SLC2A9: variants seen among roughly 807,000 people sequenced by gnomAD.
SLC2A9 encodes solute carrier family 2 member 9.
In SLC2A9, 39 loss-of-function variants were observed where a neutral mutation model predicts 50.6. That is an observed-to-expected ratio of 0.77 (90% confidence interval 0.60 to 1.01). The LOEUF (loss-of-function observed/expected upper bound fraction) is 1.01. Ranked by LOEUF, SLC2A9 falls within the 50% of genes least tolerant of loss-of-function variation. The pLI is 0.00. For synonymous variants in SLC2A9, 324 were observed against 276.9 expected (o/e 1.17, Z -1.69); for missense variants, 686 against 677.6 (o/e 1.01, Z -0.14).
chr4:9,869,601 G>A (rs948123114), intron 10 of SLC2A9, among the ~76,000 whole-genome samples: 59 of 152,196 alleles, frequency 3.9e-4, no homozygotes, highest in Non-Finnish European at 8.1e-4. Context: ...CAGATGGGAT[G>A]GCTTGGCAAT....
chr4:9,853,339 C>G (rs901580362), intron 10 of SLC2A9, among the ~76,000 whole-genome samples: 4 of 151,472 alleles, frequency 2.6e-5, no homozygotes, highest in Admixed American at 6.6e-5. Flanking sequence ...AGAAAAAAAT[C>G]AGGGGGTTGC....
At chr4:9,954,594 G>T (rs1315499908) in intron 5 of SLC2A9, among the ~76,000 whole-genome samples, 1 of 152,184 alleles carries the variant, frequency 6.6e-6, no homozygotes, top group African/African-American at 2.4e-5. Flanking sequence ...ATCTGGGTGT[G>T]GTAGCGGCCC....
intron 10 of SLC2A9, among the ~76,000 whole-genome samples, chr4:9,886,874 T>C (rs1407383792): frequency 6.6e-6 from 1 of 152,204 alleles, no homozygotes; most frequent in Admixed American, 6.5e-5. Context: ...CATTGCATCC[T>C]TGTCGTTGTA....
intron 10 of SLC2A9, among the ~76,000 whole-genome samples, chr4:9,864,778 G>A (rs1381509448): frequency 6.6e-6 from 1 of 152,194 alleles, no homozygotes; most frequent in African/African-American, 2.4e-5. Flanking sequence ...AGGATGCTGT[G>A]GTAGACAGAA....
chr4:9,924,923 C>T (rs2110114904), intron 6 of SLC2A9, among the ~76,000 whole-genome samples: 1 of 152,306 alleles, frequency 6.6e-6, no homozygotes, highest in East Asian at 1.9e-4. Context: ...CAGCCTCTCC[C>T]CACTGGGCTC....
At chr4:9,789,406 T>A (rs113823153) in intron 3 of SLC2A9, among the ~76,000 whole-genome samples, 1 of 152,222 alleles carries the variant, frequency 6.6e-6, no homozygotes, top group African/African-American at 2.4e-5. Context: ...AGAACCTTCC[T>A]GTTTCTATGT....
intron 1 of SLC2A9, 159 bp from the exon 2 acceptor site, chr4:10,019,232 C>T (rs369964510): frequency 3.1e-6 from 2 of 654,804 alleles, no homozygotes; most frequent in Non-Finnish European, 5.4e-6. Flanking sequence ...AGTTGGGGAC[C>T]TGCAAGTAGG....
chr4:9,960,477 T>G (rs1254689235), intron 5 of SLC2A9, among the ~76,000 whole-genome samples: 5 of 152,126 alleles, frequency 3.3e-5, no homozygotes, highest in Non-Finnish European at 5.9e-5. Flanking sequence ...GCCCAGCCCC[T>G]TAAGGGTTTA....
At chr4:9,902,340 T>G (rs759349082) in intron 8 of SLC2A9, among the ~76,000 whole-genome samples, 1 of 152,224 alleles carries the variant, frequency 6.6e-6, no homozygotes. Flanking sequence ...GGGGCCCAAG[T>G]GAGCACTTGC....
chr4:9,837,344 A>G (rs1387309133), intron 10 of SLC2A9, among the ~76,000 whole-genome samples: 2 of 152,214 alleles, frequency 1.3e-5, no homozygotes, highest in African/African-American at 2.4e-5. Flanking sequence ...GTTCTGCAAA[A>G]TATTTCATTG....
intron 6 of SLC2A9, among the ~76,000 whole-genome samples, chr4:9,938,952 C>G (rs1747638371): frequency 1.3e-5 from 2 of 152,134 alleles, no homozygotes; most frequent in African/African-American, 4.8e-5. Context: ...CGAAAGGGGC[C>G]TCTTGTCTGA....
chr4:9,779,144 A>G (rs1440510409), downstream of SLC2A9, among the ~76,000 whole-genome samples: 5 of 152,150 alleles, frequency 3.3e-5, no homozygotes, highest in Non-Finnish European at 5.9e-5. Context: ...AGATCAAGCG[A>G]CCTGCCCAAT....
chr4:9,981,915 CT>C (rs1273351200), intron 4 of SLC2A9, among the ~76,000 whole-genome samples: 1 of 150,614 alleles, frequency 6.6e-6, no homozygotes, highest in African/African-American at 2.4e-5. Context: ...GGGTTTCACT[CT>C]TGTTGCCCAG....
At chr4:10,006,497 C>T (rs3796840) in intron 2 of SLC2A9, 9,963 of 152,278 alleles carry the variant, frequency 0.065, 669 homozygotes, top group East Asian at 0.39. Flanking sequence ...CAGGGAAGAA[C>T]GCAGTCCAGA....
chr4:9,773,015 T>C (rs1307870356), intron 1 of SLC2A9, among the ~76,000 whole-genome samples: 1 of 152,148 alleles, frequency 6.6e-6, no homozygotes, highest in Non-Finnish European at 1.5e-5. Flanking sequence ...CAGAGAAGGA[T>C]ATGAACCCAG....
At chr4:10,004,493 C>A in intron 2 of SLC2A9, among the ~76,000 whole-genome samples, 1 of 152,100 alleles carries the variant, frequency 6.6e-6, no homozygotes, top group East Asian at 1.9e-4. Flanking sequence ...TGTCAGCTGG[C>A]CAGCCACAGA....
chr4:9,847,100 T>TA (rs1257965730), intron 10 of SLC2A9, among the ~76,000 whole-genome samples: 7 of 152,220 alleles, frequency 4.6e-5, no homozygotes, highest in Admixed American at 4.6e-4. Context: ...TTAAATGAGA[T>TA]AATGCTTAGC....
Position 10,036,194 on chromosome 4 carries a change from G to C in SLC2A9, c.-41+3936C>G, listed in dbSNP as rs539628531. Reference sequence around the variant, plus strand: ...TTTCTGTCTCCCTGGAGAACCCTGAGTAAACTACACTTGAGAAGGCCCAGT... The same window carrying C: ...TTTCTGTCTCCCTGGAGAACCCTGACTAAACTACACTTGAGAAGGCCCAGT... On this transcript the variant is annotated intron_variant, in intron 1 of 12. Transcript: ENST00000309065. 54 of 153,086 alleles carry C rather than the reference G, an allele frequency of 3.5e-4. No individual in the cohort carries two copies. The South Asian group carries it at 0.011, about 31-fold the overall frequency. 9.5% of individuals were successfully genotyped at this position (153,086 alleles called of 1,614,324 possible).
chr4:9,966,196 G>A (rs1217331972), intron 5 of SLC2A9, among the ~76,000 whole-genome samples: 2 of 151,700 alleles, frequency 1.3e-5, no homozygotes, highest in East Asian at 1.9e-4. Context: ...CAGACTATCC[G>A]AAAAAAAATT....
Sources: allele counts gnomAD v4.1 joint callset (sites outside exome capture counted in the v4.1 genomes callset), GRCh38; gene constraint gnomAD v4.1.1; transcripts MANE v1.5; gene names NCBI Gene and HGNC (gene_info 2026-07-23, HGNC 2026-07-21).